The following EPB41L4A variants were observed in gnomAD, a reference collection of about 807,000 sequenced individuals.
EPB41L4A encodes erythrocyte membrane protein band 4.1 like 4A, also known as band 4.1-like protein 4A.
A neutral mutation model predicts 108.6 loss-of-function variants in EPB41L4A; 100 were observed. That is an observed-to-expected ratio of 0.92 (90% CI 0.78 to 1.09). The LOEUF is 1.09. Among genes scored for constraint, EPB41L4A ranks in the 50% least tolerant of loss-of-function variants. EPB41L4A has a pLI of 0.00. For synonymous variants in EPB41L4A, 319 were observed against 289.0 expected (o/e 1.10, Z -1.05); for missense variants, 1,030 against 842.7 (o/e 1.22, Z -2.75).
chr5:112,355,691 C>T (rs1369527358), intron 1 of EPB41L4A, among the ~76,000 whole-genome samples: 2 of 152,188 alleles, frequency 1.3e-5, no homozygotes, highest in Non-Finnish European at 1.5e-5. Context: ...TGGAGAATTC[C>T]ACTCCTTCAC....
chr5:112,418,578 A>C (rs1762859200), intron 1 of EPB41L4A, among the ~76,000 whole-genome samples: 1 of 152,146 alleles, frequency 6.6e-6, no homozygotes, highest in African/African-American at 2.4e-5. Context: ...GAGGGAAACC[A>C]TGCCTTCCAC....
At chr5:112,199,469 T>C (rs950739257) in intron 15 of EPB41L4A, among the ~76,000 whole-genome samples, 4 of 152,224 alleles carry the variant, frequency 2.6e-5, no homozygotes, top group Admixed American at 6.5e-5. Flanking sequence ...AACTCTGTCA[T>C]TGGCTTTGTC....
intron 1 of EPB41L4A, among the ~76,000 whole-genome samples, chr5:112,362,149 G>A (rs1278607149): frequency 1.3e-5 from 2 of 152,128 alleles, no homozygotes; most frequent in Non-Finnish European, 2.9e-5. Context: ...CCAGGCTGGA[G>A]TGCAGTGGTA....
chr5:112,309,369 G>A (rs1754899899), intron 1 of EPB41L4A, among the ~76,000 whole-genome samples: 3 of 152,062 alleles, frequency 2.0e-5, no homozygotes, highest in Admixed American at 2.0e-4. Flanking sequence ...TCTACTCAGG[G>A]ACGTTAAGAA....
chr5:112,163,939 T>A lies in EPB41L4A; in HGVS notation c.*1051A>T, dbSNP rs1760071808. 1 of 152,292 alleles carries A rather than the reference T, an allele frequency of 6.6e-6. No homozygotes were observed. The highest frequency in any genetic ancestry group is 1.5e-5 in the Non-Finnish European group (1 of 68,120). The allele number at this position is 152,292 out of a possible 1,614,324, so 9.4% of individuals were successfully genotyped here. ...CAAAAAGGTTAGGGCTGCTGGCAGC[T>A]GTGGAGAGAACTGTACGTGGTAAGG... On this transcript the variant is annotated 3_prime_UTR_variant, in exon 23 of 23. Transcript: ENST00000261486.
chr5:112,318,954 T>C (rs1046061147), intron 1 of EPB41L4A, among the ~76,000 whole-genome samples: 10 of 152,206 alleles, frequency 6.6e-5, no homozygotes, highest in African/African-American at 2.4e-4. Context: ...CCCTTGTTTA[T>C]GGGTTACCAT....
chr5:112,325,529 T>A (rs181252154), intron 1 of EPB41L4A, among the ~76,000 whole-genome samples: 13 of 150,936 alleles, frequency 8.6e-5, no homozygotes, highest in Admixed American at 8.6e-4. Context: ...AAAAGCAGAG[T>A]AGAGTTTTAA....
At chr5:112,168,881 T>C in intron 21 of EPB41L4A, 61 bp from the exon 22 acceptor site, 3 of 1,536,354 alleles carry the variant, frequency 2.0e-6, no homozygotes, top group Non-Finnish European at 2.7e-6. Flanking sequence ...TAAATTAAGT[T>C]GGAAGAGAAC....
At chr5:112,203,080 A>C (rs933772377) in intron 15 of EPB41L4A, among the ~76,000 whole-genome samples, 1 of 152,128 alleles carries the variant, frequency 6.6e-6, no homozygotes, top group Non-Finnish European at 1.5e-5. Context: ...AAAAAAGGAA[A>C]AAGAGGCCGG....
At chr5:112,262,686 T>A (rs1751580264) in intron 6 of EPB41L4A, 105 bp from the exon 7 acceptor site, 15 of 973,898 alleles carry the variant, frequency 1.5e-5, no homozygotes, top group Non-Finnish European at 2.3e-5. Context: ...AATAATACTT[T>A]TTACTAATGC....
intron 1 of EPB41L4A, among the ~76,000 whole-genome samples, chr5:112,368,834 A>G (rs919774367): frequency 6.6e-6 from 1 of 151,826 alleles, no homozygotes; most frequent in Non-Finnish European, 1.5e-5. Context: ...CACTCCTTCA[A>G]TGCTGCTGTC....
rs565286921 is a variant in EPB41L4A, at chr5:112,336,319, G to A, written c.100-28829C>T. ...TGCAGGTCAAAAAGCTTCAAAGTGGGCTGTTCAGAGTTAGGTGGAGTAAGG... is the reference window on the plus strand; with the variant it reads ...TGCAGGTCAAAAAGCTTCAAAGTGGACTGTTCAGAGTTAGGTGGAGTAAGG... On this transcript the variant is annotated intron_variant, in intron 1 of 22. Transcript: ENST00000261486. Among the ~76,000 whole-genome samples the A allele has an allele frequency of 1.6e-4, 24 of 152,278 alleles. 1 individual carries two copies. The South Asian group carries it at 5.0e-3, about 32-fold the overall frequency.
intron 2 of EPB41L4A, among the ~76,000 whole-genome samples, chr5:112,299,834 G>A (rs932306012): frequency 1.2e-4 from 18 of 152,096 alleles, no homozygotes; most frequent in African/African-American, 4.1e-4. Flanking sequence ...ACAAATTTGG[G>A]AACTCCCGTG....
chr5:112,245,595 A>G (rs1181003818), intron 9 of EPB41L4A, among the ~76,000 whole-genome samples: 1 of 152,164 alleles, frequency 6.6e-6, no homozygotes, highest in Non-Finnish European at 1.5e-5. Context: ...GGGTGCTACT[A>G]AAATATAGCA....
intron 1 of EPB41L4A, among the ~76,000 whole-genome samples, chr5:112,408,645 G>A (rs1457967682): frequency 2.7e-5 from 3 of 112,456 alleles, no homozygotes; most frequent in South Asian, 3.2e-4. Context: ...GACTTCAAAC[G>A]AGCCTGGGCA....
chr5:112,362,777 C>G (rs1758853902), intron 1 of EPB41L4A, among the ~76,000 whole-genome samples: 1 of 152,088 alleles, frequency 6.6e-6, no homozygotes, highest in African/African-American at 2.4e-5. Flanking sequence ...CACTGACATC[C>G]TAAAGACAAA....
At chr5:112,204,195 C>T (rs893938414) in intron 15 of EPB41L4A, among the ~76,000 whole-genome samples, 180 bp downstream of exon 15, 1 of 151,958 alleles carries the variant, frequency 6.6e-6, no homozygotes, top group African/African-American at 2.4e-5. Flanking sequence ...CTCTAAAACT[C>T]TGGCTGTTTA....
At chr5:112,320,926 C>T (rs961923708) in intron 1 of EPB41L4A, among the ~76,000 whole-genome samples, 13 of 152,264 alleles carry the variant, frequency 8.5e-5, no homozygotes, top group African/African-American at 3.1e-4. Context: ...GGGAACTCCC[C>T]AACCCATGAA....
downstream of EPB41L4A, among the ~76,000 whole-genome samples, chr5:112,159,837 G>A (rs908895032): frequency 6.6e-6 from 1 of 151,546 alleles, no homozygotes; most frequent in African/African-American, 2.4e-5. Flanking sequence ...CATATTGATT[G>A]CCTGTTGAAA....
Sources: allele counts gnomAD v4.1 joint callset (sites outside exome capture counted in the v4.1 genomes callset), GRCh38; gene constraint gnomAD v4.1.1; transcripts MANE v1.5; gene names NCBI Gene and HGNC (gene_info 2026-07-23, HGNC 2026-07-21).